Variants in EEIG2 observed in about 807,000 individuals in gnomAD.
EEIG2 encodes EEIG family member 2.
At chr1:108,586,982 A>G in the EEIG2 span, among the ~76,000 whole-genome samples, 1 of 152,140 alleles carries the variant, frequency 6.6e-6, no homozygotes. Context: ...CACAACACCA[A>G]TGTACATTTT....
the EEIG2 span, chr1:108,600,828 A>C: frequency 1.3e-5 from 10 of 752,040 alleles, no homozygotes; most frequent in Non-Finnish European, 2.0e-5. Flanking sequence ...GCAGTAATTA[A>C]AATACCATGG....
chr1:108,595,757 A>G, the EEIG2 span, among the ~76,000 whole-genome samples: 1 of 151,818 alleles, frequency 6.6e-6, no homozygotes, highest in Non-Finnish European at 1.5e-5. Flanking sequence ...TACATGCTGG[A>G]GGGAGAGAGG....
At chr1:108,561,360 T>A in the EEIG2 span, among the ~76,000 whole-genome samples, 1 of 152,252 alleles carries the variant, frequency 6.6e-6, no homozygotes, top group Non-Finnish European at 1.5e-5. Context: ...CCTAAGGTGC[T>A]TTCTTTAAAA....
chr1:108,596,093 A>G, the EEIG2 span, among the ~76,000 whole-genome samples: 3 of 151,962 alleles, frequency 2.0e-5, no homozygotes, highest in East Asian at 3.9e-4. Context: ...GTGAACAGGA[A>G]GTAAGGGAGG....
the EEIG2 span, among the ~76,000 whole-genome samples, chr1:108,620,600 C>T: frequency 2.0e-5 from 3 of 152,068 alleles, no homozygotes; most frequent in Non-Finnish European, 2.9e-5. Flanking sequence ...AAGGTTCTGA[C>T]GCGTTCATAT....
the EEIG2 span, among the ~76,000 whole-genome samples, chr1:108,583,725 T>C: frequency 6.6e-6 from 1 of 152,106 alleles, no homozygotes; most frequent in African/African-American, 2.4e-5. Context: ...CATAAACTGT[T>C]AGGATTGCAG....
the EEIG2 span, chr1:108,627,634 G>A: frequency 2.6e-5 from 4 of 153,854 alleles, no homozygotes; most frequent in Non-Finnish European, 5.8e-5. Flanking sequence ...GTCCCATGCT[G>A]TGTTGATTTA....
chr1:108,636,670 CTG>C, the EEIG2 span: 7 of 152,114 alleles, frequency 4.6e-5, no homozygotes, highest in African/African-American at 1.7e-4. Flanking sequence ...TAGAGAGACT[CTG>C]AGAGAGAGAA....
the EEIG2 span, among the ~76,000 whole-genome samples, chr1:108,611,595 A>T: frequency 2.0e-5 from 3 of 152,246 alleles, no homozygotes; most frequent in Non-Finnish European, 2.9e-5. Context: ...AGCAAGGCAA[A>T]TGTGGAAGGT....
chr1:108,624,810 T>G, the EEIG2 span: 1 of 1,363,748 alleles, frequency 7.3e-7, no homozygotes, highest in Non-Finnish European at 1.0e-6. Flanking sequence ...CCCTAAAAAT[T>G]CTTTGGGAAT....
chr1:108,566,746 G>A, the EEIG2 span, among the ~76,000 whole-genome samples: 1 of 152,060 alleles, frequency 6.6e-6, no homozygotes, highest in South Asian at 2.1e-4. Flanking sequence ...GATGAACCTG[G>A]AGGACTTTTG....
the EEIG2 span, among the ~76,000 whole-genome samples, chr1:108,629,091 G>C: frequency 1.3e-5 from 2 of 152,166 alleles, no homozygotes; most frequent in African/African-American, 4.8e-5. Context: ...TATACCTAAT[G>C]ATAGGTATCT....
the EEIG2 span, among the ~76,000 whole-genome samples, chr1:108,590,157 ATCT>A: frequency 6.6e-6 from 1 of 152,142 alleles, no homozygotes; most frequent in Non-Finnish European, 1.5e-5. Flanking sequence ...ATAAAACAAA[ATCT>A]TCTTGTGTCC....
At chr1:108,579,359 G>T in the EEIG2 span, among the ~76,000 whole-genome samples, 210 of 131,930 alleles carry the variant, frequency 1.6e-3, no homozygotes, top group Middle Eastern at 3.6e-3. Flanking sequence ...TTACATAATG[G>T]TAAACGGATC....
the EEIG2 span, among the ~76,000 whole-genome samples, chr1:108,579,703 G>A: frequency 6.6e-6 from 1 of 150,418 alleles, no homozygotes; most frequent in Non-Finnish European, 1.5e-5. Flanking sequence ...TCTACACCAA[G>A]CAAGTCTGTC....
the EEIG2 span, among the ~76,000 whole-genome samples, chr1:108,560,966 C>A: frequency 6.6e-6 from 1 of 152,232 alleles, no homozygotes; most frequent in African/African-American, 2.4e-5. Context: ...TAGCACAATT[C>A]CTTCTCCCTT....
chr1:108,595,123 A>T, the EEIG2 span, among the ~76,000 whole-genome samples: 1 of 151,928 alleles, frequency 6.6e-6, no homozygotes, highest in Non-Finnish European at 1.5e-5. Context: ...TTATAAGGGC[A>T]TTTAAAGTAT....
At chr1:108,567,141 T>C in the EEIG2 span, among the ~76,000 whole-genome samples, 1 of 152,152 alleles carries the variant, frequency 6.6e-6, no homozygotes, top group African/African-American at 2.4e-5. Context: ...TATATTTTAA[T>C]ATAGTTAAGT....
chr1:108,604,264 A>T, the EEIG2 span, among the ~76,000 whole-genome samples: 1 of 152,174 alleles, frequency 6.6e-6, no homozygotes, highest in South Asian at 2.1e-4. Context: ...AATTGTAAGT[A>T]TTGGAGGATT....
Sources: gnomAD v4.1 joint callset for allele counts (sites outside exome capture counted in the v4.1 genomes callset) on GRCh38, gnomAD v4.1.1 for gene constraint, MANE v1.5 for transcripts, NCBI Gene and HGNC (gene_info 2026-07-23, HGNC 2026-07-21) for gene names.